The following FNDC3B variants were observed in gnomAD, a reference collection of about 807,000 sequenced individuals.
FNDC3B encodes the protein fibronectin type III domain-containing protein 3B.
A neutral mutation model predicts 151.5 loss-of-function variants in FNDC3B; 12 were observed. The observed-to-expected ratio is 0.08, with a 90% CI of 0.05 to 0.13. The LOEUF is 0.13. Ranked by LOEUF, FNDC3B falls within the 10% of genes least tolerant of loss-of-function variation. The pLI, the probability that FNDC3B is intolerant of heterozygous loss-of-function variation, is 1.00. For missense variants in FNDC3B, 1,214 were observed against 1,505.3 expected, an observed-to-expected ratio of 0.81 and a Z score of 3.20; for synonymous variants, 528 against 549.0, an observed-to-expected ratio of 0.96 and a Z score of 0.54.
intron 15 of FNDC3B, among the ~76,000 whole-genome samples, chr3:172,336,120 T>C (rs1259347041): frequency 6.6e-6 from 1 of 152,200 alleles, no homozygotes; most frequent in Non-Finnish European, 1.5e-5. Context: ...ATTGTAAATA[T>C]CTACTACTGA....
chr3:172,217,140 T>A (rs1726025178), intron 3 of FNDC3B, among the ~76,000 whole-genome samples: 1 of 152,248 alleles, frequency 6.6e-6, no homozygotes, highest in African/African-American at 2.4e-5. Flanking sequence ...GTCCTTGGCA[T>A]CCTGCACAAG....
At chr3:172,389,531 CTATTAGAACA>C in intron 25 of FNDC3B, among the ~76,000 whole-genome samples, 1 of 152,130 alleles carries the variant, frequency 6.6e-6, no homozygotes, top group Non-Finnish European at 1.5e-5. Flanking sequence ...ATTAGAAAAA[CTATTAGAACA>C]TATTAGAAAA....
At chr3:172,355,915 C>G (rs1210898286) in intron 22 of FNDC3B, among the ~76,000 whole-genome samples, 2 of 152,186 alleles carry the variant, frequency 1.3e-5, no homozygotes, top group African/African-American at 4.8e-5. Flanking sequence ...AGGACTATTG[C>G]CTTCCTTGTT....
At chr3:172,056,660 A>T (rs900579043) in intron 1 of FNDC3B, among the ~76,000 whole-genome samples, 4 of 152,198 alleles carry the variant, frequency 2.6e-5, no homozygotes. Flanking sequence ...AGTGTTTTGA[A>T]CTAGTGATTA....
At chr3:172,270,258 G>A (rs937349514) in intron 6 of FNDC3B, among the ~76,000 whole-genome samples, 4 of 152,200 alleles carry the variant, frequency 2.6e-5, no homozygotes, top group African/African-American at 4.8e-5. Context: ...CACTGCTTTA[G>A]CTGTTGTTCC....
At chr3:172,248,878 T>C (rs955088092) in intron 5 of FNDC3B, among the ~76,000 whole-genome samples, 2 of 151,726 alleles carry the variant, frequency 1.3e-5, no homozygotes, top group African/African-American at 2.4e-5. Flanking sequence ...TTTATTTTTT[T>C]TTGTAGTCAA....
chr3:172,132,825 A>C (rs1000416717), intron 2 of FNDC3B, among the ~76,000 whole-genome samples: 1 of 152,194 alleles, frequency 6.6e-6, no homozygotes, highest in African/African-American at 2.4e-5. Context: ...GACAGAACGT[A>C]CTTTGCTATT....
At chr3:172,146,337 CTG>C (rs1363353705) in intron 3 of FNDC3B, among the ~76,000 whole-genome samples, 1 of 152,094 alleles carries the variant, frequency 6.6e-6, no homozygotes, top group African/African-American at 2.4e-5. Flanking sequence ...AATTTTAAAA[CTG>C]TGTGTATTAA....
chr3:172,295,405 C>G lies in FNDC3B; in HGVS notation c.892C>G (p.Pro298Ala), dbSNP rs776767343. 1 of 1,614,050 alleles carries G rather than the reference C, an allele frequency of 6.2e-7. No individual in the cohort carries two copies. Among genetic ancestry groups the G allele is most frequent in the Non-Finnish European group, 8.5e-7 (1 of 1,179,914 alleles). Reference sequence around the variant, plus strand: ...AAGAGCAGTTGTGTTGTCCTGGGCTCCCCCTGTTGGACTTTCCTGTGGACC... The same window carrying G: ...AAGAGCAGTTGTGTTGTCCTGGGCTGCCCCTGTTGGACTTTCCTGTGGACC... Reference protein sequence around the residue: ...QARAVVLSWAPPVGLSCGPHS... With the variant: ...QARAVVLSWAAPVGLSCGPHS... The change falls in exon 8 of 26, where the codon CCC (proline) becomes GCC (alanine). Residue 298 changes from proline (P) to alanine (A), a missense_variant. Coordinates refer to ENST00000415807, the MANE Select transcript of FNDC3B (RefSeq NM_022763.4).
chr3:172,046,070 G>T (rs942035742), intron 1 of FNDC3B, among the ~76,000 whole-genome samples: 61 of 152,204 alleles, frequency 4.0e-4, no homozygotes, highest in African/African-American at 1.4e-3. Flanking sequence ...GGTATGTGGG[G>T]TGCCAGTTGA....
intron 7 of FNDC3B, among the ~76,000 whole-genome samples, chr3:172,287,560 A>C (rs1223551713): frequency 6.6e-6 from 1 of 152,228 alleles, no homozygotes; most frequent in African/African-American, 2.4e-5. Flanking sequence ...GAAAGAAGAA[A>C]AATCTGTAAG....
chr3:172,340,578 C>T (rs1048106258), intron 16 of FNDC3B, among the ~76,000 whole-genome samples: 1 of 152,038 alleles, frequency 6.6e-6, no homozygotes, highest in Non-Finnish European at 1.5e-5. Context: ...GAGCCACCGC[C>T]TGTAATTTTT....
chr3:172,176,954 T>C (rs1430372185), intron 3 of FNDC3B, among the ~76,000 whole-genome samples: 1 of 152,050 alleles, frequency 6.6e-6, no homozygotes, highest in Non-Finnish European at 1.5e-5. Flanking sequence ...GGAAAATTAC[T>C]AAGACAAAAC....
intron 3 of FNDC3B, among the ~76,000 whole-genome samples, chr3:172,196,959 G>A (rs1724867516): frequency 6.6e-6 from 1 of 152,076 alleles, no homozygotes; most frequent in African/African-American, 2.4e-5. Flanking sequence ...GAGGCGGACG[G>A]ATCATGAGGT....
chr3:172,111,258 A>G (rs1196827755), intron 1 of FNDC3B, among the ~76,000 whole-genome samples: 1 of 152,174 alleles, frequency 6.6e-6, no homozygotes, highest in Non-Finnish European at 1.5e-5. Context: ...CATAGTTCAA[A>G]CAATTAAGTC....
At chr3:172,315,334 A>G (rs555898865) in intron 11 of FNDC3B, among the ~76,000 whole-genome samples, 9 of 152,306 alleles carry the variant, frequency 5.9e-5, no homozygotes, top group Middle Eastern at 3.4e-3. Flanking sequence ...CCAAGATTGC[A>G]CCACTGCGCT....
intron 3 of FNDC3B, among the ~76,000 whole-genome samples, chr3:172,165,912 ATACCT>A (rs750295145): frequency 3.9e-5 from 6 of 152,256 alleles, no homozygotes; most frequent in Non-Finnish European, 5.9e-5. Flanking sequence ...GTACTAAAAA[ATACCT>A]TAGTTATCAG....
chr3:172,181,408 A>AC (rs1289819959), intron 3 of FNDC3B, among the ~76,000 whole-genome samples: 6 of 145,006 alleles, frequency 4.1e-5, no homozygotes, highest in East Asian at 2.0e-4. Context: ...AAAAAAAAAA[A>AC]AAAAAACAAA....
intron 1 of FNDC3B, among the ~76,000 whole-genome samples, chr3:172,071,124 A>G (rs1717757459): frequency 6.6e-6 from 1 of 152,174 alleles, no homozygotes; most frequent in Non-Finnish European, 1.5e-5. Context: ...TTCAGACTTA[A>G]TTATTCAATT....
Sources: gnomAD v4.1 joint callset for allele counts (sites outside exome capture counted in the v4.1 genomes callset) on GRCh38, gnomAD v4.1.1 for gene constraint, MANE v1.5 for transcripts, NCBI Gene and HGNC (gene_info 2026-07-23, HGNC 2026-07-21) for gene names.